HYPK: variants seen among roughly 807,000 people sequenced by gnomAD.
HYPK encodes the protein huntingtin-interacting protein K.
Under a neutral mutation model 13.9 loss-of-function variants are expected in HYPK, and 9 were observed. The ratio of observed to expected loss-of-function variants is 0.65; its 90% CI spans 0.39 to 1.13. The LOEUF (loss-of-function observed/expected upper bound fraction) is 1.13. Ranked by LOEUF, HYPK falls within the 50% of genes most tolerant of loss-of-function variation. The probability of loss-of-function intolerance (pLI) is 0.01; values close to 1 mark genes in which losing one functional copy is unlikely to be tolerated. For missense variants in HYPK, 138 were observed against 157.6 expected, an observed-to-expected ratio of 0.88 and a Z score of 0.67; for synonymous variants, 76 against 57.0, an observed-to-expected ratio of 1.33 and a Z score of -1.50.
chr15:43,801,856 T>G lies in HYPK; in HGVS notation c.*50T>G. The G allele has an allele frequency of 6.4e-7, 1 of 1,554,890 alleles. No homozygotes were observed. The highest frequency in any genetic ancestry group is 8.9e-7 in the Non-Finnish European group (1 of 1,129,328). ...CTGGATTAATTTATGGCAATAAAAT[T>G]TTTTTTTGTCTTTTTCAGTTTTATC... On this transcript the variant is annotated 3_prime_UTR_variant, in exon 4 of 4. Transcript: ENST00000442995.
rs552312924 is a variant in HYPK, at chr15:43,801,143, G to A, written c.174G>A (p.Val58=). 3 of 1,613,982 alleles carry A rather than the reference G, an allele frequency of 1.9e-6. No homozygotes were observed. The highest frequency in any genetic ancestry group is 1.7e-4 in the Middle Eastern group (1 of 5,960). The part of the protein sequence containing the change: ...QSSNLETAMS[V]IGDRRSREQK... The stretch of plus-strand genomic sequence containing the variant: ...TGCCTTTCCCATAGGCCATGTCTGT[G>A]ATTGGAGACAGAAGGTCCCGGGAGC... Residue 58 remains valine (V), a synonymous_variant, in exon 2 of 4, where the codon GTG becomes GTA. Coordinates refer to ENST00000442995, the MANE Select transcript of HYPK (RefSeq NM_016400.4).
rs754352984 is a variant in HYPK, at chr15:43,801,210, C to CT, written c.218+26dup. 22 of 1,602,476 alleles carry CT rather than the reference C, an allele frequency of 1.4e-5. No homozygotes were observed. In the Admixed American group the frequency reaches 1.8e-4, roughly 13 times the overall value. On this transcript the variant is annotated intron_variant, in intron 2 of 3. Coordinates refer to ENST00000442995, the MANE Select transcript of HYPK (RefSeq NM_016400.4). The stretch of plus-strand genomic sequence containing the variant: ...GCGGTAAGTCTTCAGGGGCAGCCAA[C>CT]TTTAACAGTTCTTCCCTCCCCGGTC...
rs1043924377 is a variant in HYPK, at chr15:43,803,718, C to G, written c.*1912C>G. Among the ~76,000 whole-genome samples the G allele has an allele frequency of 6.8e-6, 1 of 146,220 alleles. No homozygotes were observed. Among genetic ancestry groups the G allele is most frequent in the Non-Finnish European group, 1.5e-5 (1 of 66,740 alleles). On this transcript the variant is annotated 3_prime_UTR_variant, in exon 4 of 4. Coordinates refer to ENST00000442995, the MANE Select transcript of HYPK (RefSeq NM_016400.4). ...CTGAGGCAGGAGAATCTCTTGAACC[C>G]AGGAGGTTGCAGTGAGCAGAGATCG...
At position 43,800,687 on chromosome 15, in the gene HYPK, C is replaced by T. The variant is rs1035188804; in HGVS notation, c.65C>T (p.Pro22Leu). 1 of 1,613,958 alleles carries T rather than the reference C, an allele frequency of 6.2e-7. No homozygotes were observed. The highest frequency in any genetic ancestry group is 1.3e-5 in the African/African-American group (1 of 75,014). Residue 22 changes from proline (P) to leucine (L), a missense_variant, in exon 1 of 4, where the codon CCG becomes CTG. This residue lies in a region of HYPK where 43 missense variants were observed against 30.4 expected (regional missense o/e 1.41). Transcript: ENST00000442995. ...GAGACCAGTGGACCAGAGCGGCCTC[C>T]GGAGAAGCCACGGAAACATGACAGC... ...ETETSGPERP[P>L]EKPRKHDSGA...
chr15:43,801,037 C>A, intron 1 of HYPK, 95 bp from the exon 2 acceptor site: 1 of 1,107,018 alleles, frequency 9.0e-7, no homozygotes, highest in Non-Finnish European at 1.4e-6. Context: ...CACTTGTCAT[C>A]GTGAATCCAT....
Position 43,803,556 on chromosome 15 carries a change from G to A in HYPK, c.*1750G>A, listed in dbSNP as rs1324397364. ...TATAATCCCAGCACTCTGGGAGGCC[G>A]AGGCAGGTGGATCACCTGGGATCAG... is the stretch of plus-strand genomic sequence containing the variant. On this transcript the variant is annotated 3_prime_UTR_variant, in exon 4 of 4. Coordinates refer to ENST00000442995, the MANE Select transcript of HYPK (RefSeq NM_016400.4). 3.3e-5 allele frequency among the ~76,000 whole-genome samples: 5 copies of A among 152,130 alleles called. No homozygotes were observed. The highest frequency in any genetic ancestry group is 9.7e-5 in the African/African-American group (4 of 41,440).
Position 43,804,220 on chromosome 15 carries a change from C to T in HYPK, c.*2414C>T, listed in dbSNP as rs1378974102. Among the ~76,000 whole-genome samples, 1 of 152,142 alleles carries T rather than the reference C, an allele frequency of 6.6e-6. No homozygotes were observed. The highest frequency in any genetic ancestry group is 1.5e-5 in the Non-Finnish European group (1 of 68,014). The stretch of plus-strand genomic sequence containing the variant: ...CCCTCATTCTGACTCTAGGATAATT[C>T]TTAGATTGTATCCCACACAACAGTG... On this transcript the variant is annotated 3_prime_UTR_variant, in exon 4 of 4. Coordinates refer to ENST00000442995, the MANE Select transcript of HYPK (RefSeq NM_016400.4).
upstream of HYPK, chr15:43,800,545 C>T (rs530299321): frequency 4.4e-6 from 7 of 1,591,654 alleles, no homozygotes; most frequent in African/African-American, 2.7e-5. Context: ...AGCCCCGCCT[C>T]CTCCCCGGGC....
Position 43,804,304 on chromosome 15 carries a change from T to C in HYPK, c.*2498T>C, listed in dbSNP as rs1037319119. Among the ~76,000 whole-genome samples, 3 of 152,146 alleles carry C rather than the reference T, an allele frequency of 2.0e-5. No homozygotes were observed. Among genetic ancestry groups the C allele is most frequent in the Admixed American group, 2.0e-4 (3 of 15,270 alleles). On this transcript the variant is annotated 3_prime_UTR_variant, in exon 4 of 4. Coordinates refer to ENST00000442995, the MANE Select transcript of HYPK (RefSeq NM_016400.4). ...ACCTCATAGTAATTATTTGCATTCATTTTTATCGTACGACACTAAACTATT... is the reference window on the plus strand; with the variant it reads ...ACCTCATAGTAATTATTTGCATTCACTTTTATCGTACGACACTAAACTATT...
In HYPK at chr15:43,801,115, A is replaced by G; in HGVS notation, c.163-17A>G. On this transcript the variant is annotated splice_polypyrimidine_tract_variant and intron_variant, in intron 1 of 3. Transcript: ENST00000442995. Reference sequence around the variant, plus strand: ...TTGTGGGTAGCGGTGCAGTAACTAGACCTGCCTTTCCCATAGGCCATGTCT... The same window carrying G: ...TTGTGGGTAGCGGTGCAGTAACTAGGCCTGCCTTTCCCATAGGCCATGTCT... 1 of 1,611,556 alleles carries G rather than the reference A, an allele frequency of 6.2e-7. No individual in the cohort carries two copies. The highest frequency in any genetic ancestry group is 8.5e-7 in the Non-Finnish European group (1 of 1,177,986).
chr15:43,804,028 G>A lies in HYPK; in HGVS notation c.*2222G>A, dbSNP rs1411388277. On this transcript the variant is annotated 3_prime_UTR_variant, in exon 4 of 4. Transcript: ENST00000442995. ...TAGCCAGGCATGGTGGCAGGCGCCT[G>A]TAGTCCCAGCTACTCGGGAGGCTGA... Among the ~76,000 whole-genome samples, 2 of 151,950 alleles carry A rather than the reference G, an allele frequency of 1.3e-5. No homozygotes were observed. The highest frequency in any genetic ancestry group is 2.9e-5 in the Non-Finnish European group (2 of 67,982).
In HYPK at chr15:43,801,517, G is replaced by C; in HGVS notation, c.219-1G>C. 1 of 1,612,604 alleles carries C rather than the reference G, an allele frequency of 6.2e-7. No homozygotes were observed. The stretch of plus-strand genomic sequence containing the variant: ...ACTAATATATTTAAATATTTTTGCA[G>C]GGAGAAAGAACTGGCAAAAGTCACT... On this transcript the variant is annotated splice_acceptor_variant, in intron 2 of 3. Coordinates refer to ENST00000442995, the MANE Select transcript of HYPK (RefSeq NM_016400.4). LOFTEE classifies it high-confidence loss of function.
Position 43,800,772 on chromosome 15 carries a change from C to G in HYPK, c.150C>G (p.Ser50=), listed in dbSNP as rs766518632. 1.2e-6 allele frequency: 2 copies of G among 1,610,468 alleles called. No individual in the cohort carries two copies. Residue 50 remains serine (S), a synonymous_variant, in exon 1 of 4, where the codon TCC becomes TCG. Coordinates refer to ENST00000442995, the MANE Select transcript of HYPK (RefSeq NM_016400.4). ...DYAEEKEIQS[S]NLETAMSVIG... is the part of the protein sequence containing the mutation. ...CAGAGGAGAAGGAGATCCAGAGTTC[C>G]AATCTGGAGACGGTAAGGTTGGCCA... is the stretch of plus-strand genomic sequence containing the variant.
At position 43,801,655 on chromosome 15, in the gene HYPK, A is replaced by G. The variant is rs1261416460; in HGVS notation, c.271-56A>G. On this transcript the variant is annotated intron_variant, in intron 3 of 3. Transcript: ENST00000442995. ...GTTTCCTGAAACAAGCGGAGTCAGTATATTTGGTGGCACATTAATGCCTGG... is the reference window on the plus strand; with the variant it reads ...GTTTCCTGAAACAAGCGGAGTCAGTGTATTTGGTGGCACATTAATGCCTGG... 42 of 1,608,646 alleles carry G rather than the reference A, an allele frequency of 2.6e-5. No homozygotes were observed. In the East Asian group the frequency reaches 6.7e-4, roughly 26 times the overall value.
rs142096250 is a variant in HYPK, at chr15:43,800,666, C to T, written c.44C>T (p.Thr15Ile). 826 of 1,614,048 alleles carry T rather than the reference C, an allele frequency of 5.1e-4. 1 individual carries two copies. The highest frequency in any genetic ancestry group is 1.1e-3 in the Admixed American group (68 of 60,002). ...GDVELELETE[T>I]SGPERPPEKP... is the part of the protein sequence containing the mutation. Reference sequence around the variant, plus strand: ...GTGGAGCTGGAGTTGGAGACTGAGACCAGTGGACCAGAGCGGCCTCCGGAG... The same window carrying T: ...GTGGAGCTGGAGTTGGAGACTGAGATCAGTGGACCAGAGCGGCCTCCGGAG... Residue 15 changes from threonine to isoleucine, a missense_variant, in exon 1 of 4, where the codon ACC becomes ATC. Thr to Ile is a moderately conservative substitution (Grantham distance 89). Coordinates refer to ENST00000442995, the MANE Select transcript of HYPK (RefSeq NM_016400.4).
intron 3 of HYPK, 23 bp from the exon 4 acceptor site, chr15:43,801,688 T>G: frequency 6.2e-7 from 1 of 1,613,728 alleles, no homozygotes; most frequent in Non-Finnish European, 8.5e-7. Context: ...TGGGAACCTA[T>G]GTAACATGAT....
intron 2 of HYPK, 128 bp downstream of exon 2, chr15:43,801,315 CACA>C (rs2087312347): frequency 2.1e-6 from 2 of 932,816 alleles, no homozygotes; most frequent in Non-Finnish European, 3.4e-6. Flanking sequence ...ATCTAGGCGC[CACA>C]ACTTTACTCT....
chr15:43,800,927 T>C (rs908670859), intron 1 of HYPK, 143 bp downstream of exon 1: 10 of 949,044 alleles, frequency 1.1e-5, no homozygotes, highest in Non-Finnish European at 1.6e-5. Flanking sequence ...GAAACAGCGG[T>C]CACCGGAGCG....
chr15:43,800,600 T>G lies in HYPK; in HGVS notation c.-23T>G. On this transcript the variant is annotated 5_prime_UTR_variant, in exon 1 of 4. An upstream start codon of the reference 5' UTR is lost. Coordinates refer to ENST00000442995, the MANE Select transcript of HYPK (RefSeq NM_016400.4). Reference sequence around the variant, plus strand: ...GGAAGTCGGCGTGAGGTGGGGCTTATGCGGCGGCGTGGTGAAATAGATATG... The same window carrying G: ...GGAAGTCGGCGTGAGGTGGGGCTTAGGCGGCGGCGTGGTGAAATAGATATG... The G allele has an allele frequency of 3.7e-6, 6 of 1,613,838 alleles. No homozygotes were observed. Among genetic ancestry groups the G allele is most frequent in the Non-Finnish European group, 5.1e-6 (6 of 1,179,920 alleles).
Sources: gnomAD v4.1 joint callset for allele counts (sites outside exome capture counted in the v4.1 genomes callset) on GRCh38, gnomAD v4.1.1 for gene constraint, gnomAD v4.1.1 regional missense constraint, MANE v1.5 for transcripts, NCBI Gene and HGNC (gene_info 2026-07-23, HGNC 2026-07-21) for gene names.